SLCO6A1: variants seen among roughly 807,000 people sequenced by gnomAD.
The protein encoded by SLCO6A1 is cancer/testis antigen 48.
SLCO6A1 carries 65 observed loss-of-function variants against 72.7 expected under a neutral mutation model. The observed-to-expected ratio is 0.89, with a 90% CI of 0.73 to 1.10. SLCO6A1 has a LOEUF of 1.10. SLCO6A1 is among the 50% of genes least tolerant of loss of function. The pLI, the probability that SLCO6A1 is intolerant of heterozygous loss-of-function variation, is 0.00. For synonymous variants in SLCO6A1, 314 were observed against 298.2 expected, an observed-to-expected ratio of 1.05 and a Z score of -0.55; for missense variants, 874 against 872.6, an observed-to-expected ratio of 1.00 and a Z score of -0.02.
At chr5:102,414,243 T>C (rs1478480233) in intron 8 of SLCO6A1, among the ~76,000 whole-genome samples, 3 of 152,180 alleles carry the variant, frequency 2.0e-5, no homozygotes, top group Non-Finnish European at 4.4e-5. Flanking sequence ...AATTATTTTA[T>C]ATGGTGCAAG....
chr5:102,394,430 C>T (rs1746949678), intron 10 of SLCO6A1, among the ~76,000 whole-genome samples: 1 of 151,732 alleles, frequency 6.6e-6, no homozygotes, highest in Admixed American at 6.6e-5. Context: ...TACTCCTATC[C>T]TCTGTTTATC....
In SLCO6A1 at chr5:102,424,109, C is replaced by A. The variant is rs574134144; in HGVS notation, c.1277-4088G>T. ...AGACAAGGTACCAGAATCTCTGGGA[C>A]ACAGCTAAAGCAGTGTTTAGAGGAA... is the stretch of plus-strand genomic sequence containing the variant. On this transcript the variant is annotated intron_variant, in intron 7 of 13. Transcript: ENST00000506729. 2.6e-5 allele frequency among the ~76,000 whole-genome samples: 4 copies of A among 152,188 alleles called. No individual in the cohort carries two copies. In the South Asian group the frequency reaches 8.3e-4, roughly 32 times the overall value.
chr5:102,398,475 G>A (rs1747222865), intron 10 of SLCO6A1, among the ~76,000 whole-genome samples: 1 of 152,076 alleles, frequency 6.6e-6, no homozygotes, highest in Admixed American at 6.6e-5. Flanking sequence ...ACCGCGCCTG[G>A]CCACCACTAC....
At position 102,498,936 on chromosome 5, in the gene SLCO6A1, C is replaced by A; in HGVS notation, c.-92G>T. On this transcript the variant is annotated 5_prime_UTR_variant, in exon 1 of 14. Coordinates refer to ENST00000506729, the MANE Select transcript of SLCO6A1 (RefSeq NM_173488.5). ...AACCCAAAGGCCAGCCTGGCGAGGGCGTCGGAGGACTCGGTGGCCACAAGG... is the reference window on the plus strand; with the variant it reads ...AACCCAAAGGCCAGCCTGGCGAGGGAGTCGGAGGACTCGGTGGCCACAAGG... The A allele has an allele frequency of 8.1e-7, 1 of 1,241,498 alleles. No individual in the cohort carries two copies. 76.9% of individuals were successfully genotyped at this position (1,241,498 alleles called of 1,614,324 possible).
intron 12 of SLCO6A1, 132 bp from the exon 13 acceptor site, chr5:102,373,626 C>G: frequency 2.2e-6 from 1 of 445,622 alleles, no homozygotes; most frequent in East Asian, 3.7e-5. Context: ...TTTTAGAATG[C>G]AATTAATGCC....
Position 102,419,934 on chromosome 5 carries a change from A to G in SLCO6A1, c.1364T>C (p.Met455Thr), listed in dbSNP as rs549494351. The change falls in exon 8 of 14, where the codon ATG becomes ACG. Residue 455 changes from methionine (M) to threonine (T), a missense_variant. Transcript: ENST00000506729. Reference sequence around the variant, plus strand: ...CACAGATGTAACCATTATAAATCTCATAAGGGCTTTACAAGACATTTCTAA... The same window carrying G: ...CACAGATGTAACCATTATAAATCTCGTAAGGGCTTTACAAGACATTTCTAA... ...STLEMSCKAL[M>T]RFIMVTSVIS... 300 of 1,609,210 alleles carry G rather than the reference A, an allele frequency of 1.9e-4. No individual in the cohort carries two copies. Among genetic ancestry groups the G allele is most frequent in the Middle Eastern group, 8.2e-4 (5 of 6,074 alleles).
intron 4 of SLCO6A1, among the ~76,000 whole-genome samples, chr5:102,470,685 T>A (rs1751564511): frequency 6.6e-6 from 1 of 152,044 alleles, no homozygotes; most frequent in Non-Finnish European, 1.5e-5. Flanking sequence ...CTGCTTCCCC[T>A]AGGGATGGGG....
intron 10 of SLCO6A1, among the ~76,000 whole-genome samples, chr5:102,394,159 T>C (rs1746932697): frequency 6.6e-6 from 1 of 152,198 alleles, no homozygotes; most frequent in South Asian, 2.1e-4. Context: ...TTGCCTCTTT[T>C]TGACTTTTAT....
At chr5:102,452,246 C>T (rs1023899114) in intron 6 of SLCO6A1, among the ~76,000 whole-genome samples, 1 of 152,300 alleles carries the variant, frequency 6.6e-6, no homozygotes, top group Middle Eastern at 3.4e-3. Flanking sequence ...CTCTGTTCCA[C>T]ACATTTAGAG....
At chr5:102,424,209 G>A (rs776141205) in intron 7 of SLCO6A1, among the ~76,000 whole-genome samples, 15 of 152,060 alleles carry the variant, frequency 9.9e-5, no homozygotes, top group Non-Finnish European at 1.9e-4. Flanking sequence ...GCAATGAAAA[G>A]AACTAGAGAA....
intron 7 of SLCO6A1, among the ~76,000 whole-genome samples, chr5:102,424,806 T>C (rs1243705462): frequency 6.6e-6 from 1 of 151,674 alleles, no homozygotes; most frequent in Non-Finnish European, 1.5e-5. Context: ...AAACCTGGCA[T>C]AGACAAAACA....
chr5:102,480,585 C>A, intron 1 of SLCO6A1, 151 bp from the exon 2 acceptor site: 1 of 809,430 alleles, frequency 1.2e-6, no homozygotes, highest in East Asian at 2.7e-5. Context: ...AATTCCTTTT[C>A]TAAAACATAA....
intron 1 of SLCO6A1, among the ~76,000 whole-genome samples, chr5:102,483,468 T>C (rs1481225439): frequency 6.6e-6 from 1 of 152,158 alleles, no homozygotes; most frequent in Non-Finnish European, 1.5e-5. Context: ...CACACACTTT[T>C]CCTTCATTTT....
At chr5:102,449,675 C>T (rs958376359) in intron 6 of SLCO6A1, among the ~76,000 whole-genome samples, 1 of 152,076 alleles carries the variant, frequency 6.6e-6, no homozygotes, top group Non-Finnish European at 1.5e-5. Flanking sequence ...CGTGAGCCAC[C>T]GTCCTGATTT....
At chr5:102,444,046 C>T (rs1235869706) in intron 6 of SLCO6A1, among the ~76,000 whole-genome samples, 1 of 152,116 alleles carries the variant, frequency 6.6e-6, no homozygotes, top group East Asian at 1.9e-4. Flanking sequence ...TCTAGGATTG[C>T]TTTCCAGTTA....
intron 8 of SLCO6A1, among the ~76,000 whole-genome samples, chr5:102,416,318 ATGAT>A (rs749280861): frequency 6.6e-5 from 10 of 152,156 alleles, no homozygotes; most frequent in Non-Finnish European, 1.2e-4. Flanking sequence ...CCATCAACAG[ATGAT>A]TGAATTAAAA....
intron 1 of SLCO6A1, among the ~76,000 whole-genome samples, chr5:102,488,783 C>G (rs780221654): frequency 9.9e-5 from 15 of 152,126 alleles, no homozygotes; most frequent in Non-Finnish European, 2.2e-4. Context: ...TTAGTCACAT[C>G]AGAGAAAAAA....
chr5:102,385,786 G>C (rs77185495), intron 12 of SLCO6A1, among the ~76,000 whole-genome samples: 3,492 of 146,508 alleles, frequency 0.024, 98 homozygotes, highest in African/African-American at 0.069. Flanking sequence ...TGAATTATGT[G>C]TCAGGCAGTT....
intron 6 of SLCO6A1, among the ~76,000 whole-genome samples, chr5:102,442,092 C>G (rs11950639): frequency 6.6e-6 from 1 of 151,930 alleles, no homozygotes; most frequent in African/African-American, 2.4e-5. Flanking sequence ...TTGGTCTGTA[C>G]TAGCTGCAAC....
Sources: allele counts gnomAD v4.1 joint callset (sites outside exome capture counted in the v4.1 genomes callset), GRCh38; gene constraint gnomAD v4.1.1; transcripts MANE v1.5; gene names NCBI Gene and HGNC (gene_info 2026-07-23, HGNC 2026-07-21).